The following VTI1A variants were observed in gnomAD, a reference collection of about 807,000 sequenced individuals.
VTI1A encodes the protein vesicle transport through interaction with t-SNAREs 1A.
A neutral mutation model predicts 34.9 loss-of-function variants in VTI1A; 22 were observed. The observed-to-expected ratio is 0.63, with a 90% CI of 0.45 to 0.90. The LOEUF is 0.90. Ranked by LOEUF, VTI1A falls within the 40% of genes least tolerant of loss-of-function variation. The probability of loss-of-function intolerance (pLI) is 0.00; values close to 1 mark genes in which losing one functional copy is unlikely to be tolerated. For missense variants in VTI1A, 268 were observed against 275.6 expected, an observed-to-expected ratio of 0.97 and a Z score of 0.20; for synonymous variants, 87 against 97.3, an observed-to-expected ratio of 0.89 and a Z score of 0.62.
At chr10:112,465,575 C>T (rs1342495871) in intron 3 of VTI1A, among the ~76,000 whole-genome samples, 3 of 152,146 alleles carry the variant, frequency 2.0e-5, no homozygotes, top group Non-Finnish European at 2.9e-5. Flanking sequence ...GAATGAACCT[C>T]GAAGACATTA....
intron 3 of VTI1A, among the ~76,000 whole-genome samples, chr10:112,471,954 A>C (rs567779508): frequency 5.9e-5 from 9 of 152,374 alleles, no homozygotes; most frequent in Non-Finnish European, 8.8e-5. Context: ...AAATAGAAAA[A>C]GAAAGAAACA....
chr10:112,535,288 G>C (rs1009322525), intron 4 of VTI1A, among the ~76,000 whole-genome samples: 4 of 152,080 alleles, frequency 2.6e-5, no homozygotes, highest in Non-Finnish European at 5.9e-5. Context: ...TATAGATCTA[G>C]CATTGATATT....
chr10:112,748,620 C>CTTTTTTTT (rs561301572), intron 7 of VTI1A, among the ~76,000 whole-genome samples: 29 of 104,926 alleles, frequency 2.8e-4, no homozygotes, highest in African/African-American at 8.7e-4. Flanking sequence ...ATTTAGAAAC[C>CTTTTTTTT]TTTTTTTTTT....
At chr10:112,547,899 GCAAT>G (rs753817389) in intron 5 of VTI1A, among the ~76,000 whole-genome samples, 7 of 151,970 alleles carry the variant, frequency 4.6e-5, no homozygotes, top group South Asian at 2.1e-4. Context: ...TTGAAGAAAA[GCAAT>G]CAATCAACAG....
intron 6 of VTI1A, 117 bp downstream of exon 6, chr10:112,668,405 T>C (rs911620296): frequency 1.4e-5 from 16 of 1,111,114 alleles, no homozygotes; most frequent in Admixed American, 2.3e-5. Flanking sequence ...TGAAAGAGGG[T>C]ATAAGGTCTG....
chr10:112,830,849 A>ATATATATATATATTTTTTT, the VTI1A span, among the ~76,000 whole-genome samples: 103 of 33,474 alleles, frequency 3.1e-3, no homozygotes, highest in Middle Eastern at 0.021. Context: ...ATATATATAT[A>ATATATATATATATTTTTTT]TTTTTTTTTT....
At chr10:112,576,210 C>T (rs7098333) in intron 5 of VTI1A, among the ~76,000 whole-genome samples, 6,165 of 150,016 alleles carry the variant, frequency 0.041, 452 homozygotes, top group African/African-American at 0.14. Flanking sequence ...TTAGTAGAGA[C>T]GGGGTTTCAC....
chr10:112,694,032 C>A (rs1265298865), intron 7 of VTI1A, among the ~76,000 whole-genome samples: 2 of 152,098 alleles, frequency 1.3e-5, no homozygotes, highest in African/African-American at 4.8e-5. Context: ...TATGGTGAAA[C>A]CCTGTCTCTA....
At chr10:112,791,446 C>G (rs560423190) in intron 7 of VTI1A, among the ~76,000 whole-genome samples, 1 of 152,120 alleles carries the variant, frequency 6.6e-6, no homozygotes, top group African/African-American at 2.4e-5. Flanking sequence ...AAGTTTAAAC[C>G]CCACCACCCA....
intron 1 of VTI1A, among the ~76,000 whole-genome samples, chr10:112,452,717 T>G (rs1216529188): frequency 4.0e-5 from 6 of 151,852 alleles, no homozygotes; most frequent in African/African-American, 9.7e-5. Flanking sequence ...ACCTAAGTAA[T>G]GGCTTCAGTC....
intron 1 of VTI1A, among the ~76,000 whole-genome samples, chr10:112,456,001 T>C (rs1847510666): frequency 6.6e-6 from 1 of 152,152 alleles, no homozygotes; most frequent in Non-Finnish European, 1.5e-5. Context: ...GTGCTAAGAC[T>C]GACTCATTTA....
At chr10:112,675,273 A>G (rs1847983757) in intron 7 of VTI1A, among the ~76,000 whole-genome samples, 2 of 152,172 alleles carry the variant, frequency 1.3e-5, no homozygotes, top group Admixed American at 1.3e-4. Flanking sequence ...GGATACTGTT[A>G]CTCCCATTTT....
intron 3 of VTI1A, among the ~76,000 whole-genome samples, chr10:112,473,076 T>C (rs1011388955): frequency 2.0e-5 from 3 of 151,406 alleles, no homozygotes; most frequent in African/African-American, 7.3e-5. Flanking sequence ...TGTTTCATTT[T>C]ACATAACAAT....
chr10:112,834,019 G>A, the VTI1A span, among the ~76,000 whole-genome samples: 2 of 152,128 alleles, frequency 1.3e-5, no homozygotes, highest in Non-Finnish European at 2.9e-5. Flanking sequence ...GGCTGGGTGA[G>A]CCTAAGCAAG....
chr10:112,540,530 G>A (rs77128743), intron 5 of VTI1A, among the ~76,000 whole-genome samples: 2 of 152,196 alleles, frequency 1.3e-5, no homozygotes. Flanking sequence ...ACATGGACGG[G>A]AGTCATCATT....
At chr10:112,624,847 A>G (rs898445041) in intron 5 of VTI1A, among the ~76,000 whole-genome samples, 12 of 152,200 alleles carry the variant, frequency 7.9e-5, no homozygotes, top group Admixed American at 7.2e-4. Flanking sequence ...CTGTGATGTC[A>G]GCATTTTGGG....
intron 3 of VTI1A, among the ~76,000 whole-genome samples, chr10:112,521,242 AT>A (rs999474518): frequency 6.6e-6 from 1 of 152,008 alleles, no homozygotes; most frequent in Non-Finnish European, 1.5e-5. Flanking sequence ...ATGCAGTAAA[AT>A]TTTTTACTAT....
At chr10:112,823,896 G>A in the VTI1A span, 1 of 152,236 alleles carries the variant, frequency 6.6e-6, no homozygotes, top group Non-Finnish European at 1.5e-5. Flanking sequence ...GTGGGCCCTA[G>A]GGGGCCACTG....
intron 7 of VTI1A, among the ~76,000 whole-genome samples, chr10:112,799,952 A>G (rs1023656036): frequency 6.6e-5 from 10 of 151,560 alleles, no homozygotes; most frequent in Non-Finnish European, 8.8e-5. Context: ...GAGAGTTCTG[A>G]TGTTAGAGAG....
Sources: gnomAD v4.1 joint callset for allele counts (sites outside exome capture counted in the v4.1 genomes callset) on GRCh38, gnomAD v4.1.1 for gene constraint, MANE v1.5 for transcripts, NCBI Gene and HGNC (gene_info 2026-07-23, HGNC 2026-07-21) for gene names.